Variants in COL5A2 observed in about 807,000 individuals in gnomAD.
COL5A2 encodes the protein collagen alpha-2(V) chain.
Under a neutral mutation model 208.2 loss-of-function variants are expected in COL5A2, and 23 were observed. That is an observed-to-expected ratio of 0.11 (90% CI 0.08 to 0.16). The LOEUF (loss-of-function observed/expected upper bound fraction) is 0.16, where lower values mean the gene tolerates loss of function less well. COL5A2 is among the 10% of genes least tolerant of loss of function. The pLI is 1.00. For synonymous variants in COL5A2, 625 were observed against 628.5 expected (o/e 0.99, Z 0.08); for missense variants, 1,590 against 1,956.4 (o/e 0.81, Z 3.53).
chr2:189,194,788 T>C (rs990440469), intron 1 of COL5A2, among the ~76,000 whole-genome samples: 2 of 152,206 alleles, frequency 1.3e-5, no homozygotes, highest in African/African-American at 4.8e-5. Flanking sequence ...ACCTACTTTA[T>C]TGAAAGATTT....
the COL5A2 span, among the ~76,000 whole-genome samples, chr2:189,334,354 G>C: frequency 2.0e-5 from 3 of 151,962 alleles, no homozygotes; most frequent in East Asian, 5.8e-4. Flanking sequence ...TAAAACTCTA[G>C]GGAGTTTCCA....
intron 31 of COL5A2, 72 bp downstream of exon 31, chr2:189,060,658 G>T (rs1400399694): frequency 1.0e-5 from 13 of 1,251,738 alleles, no homozygotes; most frequent in Non-Finnish European, 1.4e-5. Context: ...GCACAACAGA[G>T]CCTCACACAT....
chr2:189,275,273 T>C, the COL5A2 span, among the ~76,000 whole-genome samples: 1 of 152,128 alleles, frequency 6.6e-6, no homozygotes, highest in Non-Finnish European at 1.5e-5. Flanking sequence ...GTTAGCAAAG[T>C]ATTTTTATTA....
the COL5A2 span, among the ~76,000 whole-genome samples, chr2:189,231,098 T>C: frequency 6.6e-6 from 1 of 151,958 alleles, no homozygotes; most frequent in South Asian, 2.1e-4. Context: ...TGCATGATTC[T>C]ACTTATATGA....
At chr2:189,131,199 A>G (rs1445499727) in intron 1 of COL5A2, among the ~76,000 whole-genome samples, 2 of 152,166 alleles carry the variant, frequency 1.3e-5, no homozygotes, top group African/African-American at 4.8e-5. Context: ...TCTTATTGGA[A>G]TAAATGTCAT....
At chr2:189,050,499 AT>A in intron 43 of COL5A2, 69 bp downstream of exon 43, 3 of 1,294,434 alleles carry the variant, frequency 2.3e-6, no homozygotes, top group Non-Finnish European at 3.3e-6. Context: ...AGCAAAAAAA[AT>A]AAAATCAATT....
At chr2:189,253,965 T>G in the COL5A2 span, among the ~76,000 whole-genome samples, 133,274 of 152,224 alleles carry the variant, frequency 0.88, 58,848 homozygotes, top group East Asian at 0.99. Context: ...ATTCACTCAC[T>G]CACACACTCA....
At chr2:189,416,135 T>C in the COL5A2 span, among the ~76,000 whole-genome samples, 3 of 152,272 alleles carry the variant, frequency 2.0e-5, no homozygotes, top group East Asian at 1.9e-4. Context: ...AGTTCAACCA[T>C]TGTGGAAGTC....
Position 189,049,230 on chromosome 2 carries a change from A to C in COL5A2, c.3147+117T>G, listed in dbSNP as rs1054764899. On this transcript the variant is annotated intron_variant, in intron 44 of 53. Coordinates refer to ENST00000374866, the MANE Select transcript of COL5A2 (RefSeq NM_000393.5). ...GTAGAGTACATCAAATAACATTACT[A>C]AGAAACTTTCTTAAGGTCAAATATG... 3.9e-6 allele frequency: 3 copies of C among 761,942 alleles called. No homozygotes were observed. The African/African-American group carries it at 5.2e-5, about 13-fold the overall frequency. 47.2% of individuals were successfully genotyped at this position (761,942 alleles called of 1,614,324 possible). A position where few individuals can be genotyped will look rare whatever the true frequency, so the allele number is the denominator to read the frequency against.
the COL5A2 span, among the ~76,000 whole-genome samples, chr2:189,416,575 G>A: frequency 2.6e-5 from 4 of 152,292 alleles, no homozygotes; most frequent in East Asian, 3.9e-4. Flanking sequence ...GTAGGAGGAA[G>A]GGGGAGGGAT....
chr2:189,287,700 A>C, the COL5A2 span, among the ~76,000 whole-genome samples: 1 of 152,206 alleles, frequency 6.6e-6, no homozygotes, highest in Non-Finnish European at 1.5e-5. Flanking sequence ...AGAGCAATAC[A>C]CATATAAAAC....
At chr2:189,244,280 G>T in the COL5A2 span, among the ~76,000 whole-genome samples, 22 of 152,140 alleles carry the variant, frequency 1.4e-4, no homozygotes, top group Admixed American at 1.4e-3. Flanking sequence ...AAAATTTTAT[G>T]CTCTGTTTCC....
the COL5A2 span, among the ~76,000 whole-genome samples, chr2:189,272,803 G>C: frequency 9.2e-5 from 14 of 152,110 alleles, no homozygotes; most frequent in Non-Finnish European, 2.1e-4. Flanking sequence ...TGAAAGCTCT[G>C]AGGAGAGGTG....
chr2:189,135,018 G>A (rs1348385113), intron 1 of COL5A2, among the ~76,000 whole-genome samples: 1 of 152,106 alleles, frequency 6.6e-6, no homozygotes. Context: ...CATATCTCCA[G>A]CTCATAACGT....
chr2:189,101,435 T>A (rs901567456), intron 3 of COL5A2, among the ~76,000 whole-genome samples: 43 of 152,128 alleles, frequency 2.8e-4, no homozygotes, highest in Non-Finnish European at 6.0e-4. Flanking sequence ...ATCTAATCAA[T>A]GCCTCATTAT....
intron 1 of COL5A2, among the ~76,000 whole-genome samples, chr2:189,206,943 T>C (rs932733800): frequency 1.4e-4 from 21 of 152,244 alleles, no homozygotes; most frequent in African/African-American, 5.1e-4. Context: ...AAAATTGTTT[T>C]ATTTGTCTTG....
the COL5A2 span, among the ~76,000 whole-genome samples, chr2:189,400,765 T>G: frequency 6.6e-6 from 1 of 152,210 alleles, no homozygotes; most frequent in Non-Finnish European, 1.5e-5. Flanking sequence ...TTGCAAATGT[T>G]CTGAGGAACA....
chr2:189,231,688 G>A, the COL5A2 span, among the ~76,000 whole-genome samples: 3 of 151,790 alleles, frequency 2.0e-5, no homozygotes, highest in South Asian at 2.1e-4. Flanking sequence ...AGATGATACA[G>A]ATAAAATATT....
upstream of COL5A2, among the ~76,000 whole-genome samples, chr2:189,180,381 C>A (rs1392584347): frequency 6.6e-6 from 1 of 152,160 alleles, no homozygotes; most frequent in Non-Finnish European, 1.5e-5. Context: ...GAAAGCATGT[C>A]CTTTCCTAAT....
Sources: allele counts gnomAD v4.1 joint callset (sites outside exome capture counted in the v4.1 genomes callset), GRCh38; gene constraint gnomAD v4.1.1; transcripts MANE v1.5; gene names NCBI Gene and HGNC (gene_info 2026-07-23, HGNC 2026-07-21).